The following EPHB2 variants were observed in gnomAD, a reference collection of about 807,000 sequenced individuals.
EPHB2 encodes EPH receptor B2.
In EPHB2, 18 loss-of-function variants were observed where a neutral mutation model predicts 96.4. The observed-to-expected ratio is 0.19, with a 90% CI of 0.13 to 0.28. EPHB2 has a LOEUF of 0.28. EPHB2 is among the 10% of genes least tolerant of loss of function. The pLI, the probability that EPHB2 is intolerant of heterozygous loss-of-function variation, is 1.00. For missense variants in EPHB2, 989 were observed against 1,355.4 expected, an observed-to-expected ratio of 0.73 and a Z score of 4.25; for synonymous variants, 506 against 534.1, an observed-to-expected ratio of 0.95 and a Z score of 0.72.
intron 1 of EPHB2, among the ~76,000 whole-genome samples, chr1:22,746,142 A>G (rs1270543350): frequency 1.3e-5 from 2 of 152,122 alleles, no homozygotes; most frequent in Non-Finnish European, 1.5e-5. Flanking sequence ...ATCGCACCAG[A>G]CACCTGCCCT....
At chr1:22,717,197 G>A (rs879297485) in intron 1 of EPHB2, among the ~76,000 whole-genome samples, 26 of 151,964 alleles carry the variant, frequency 1.7e-4, no homozygotes, top group Admixed American at 9.2e-4. Context: ...TTAGCTGGGG[G>A]AAGGCAGGGA....
At chr1:22,813,971 T>C (rs34122990) in intron 3 of EPHB2, among the ~76,000 whole-genome samples, 17,360 of 151,984 alleles carry the variant, frequency 0.11, 1,646 homozygotes, top group East Asian at 0.56. Flanking sequence ...GGTCAGGGGT[T>C]CAAGACCAGC....
chr1:22,728,213 C>T (rs1360339669), intron 1 of EPHB2, among the ~76,000 whole-genome samples: 1 of 151,650 alleles, frequency 6.6e-6, no homozygotes, highest in Non-Finnish European at 1.5e-5. Context: ...AGCAGGTGCT[C>T]AGTAAAAAAT....
At chr1:22,794,001 C>T (rs975526250) in intron 3 of EPHB2, among the ~76,000 whole-genome samples, 8 of 152,064 alleles carry the variant, frequency 5.3e-5, no homozygotes, top group African/African-American at 1.9e-4. Context: ...ATGTCTTATC[C>T]ACATGGTCAT....
At chr1:22,762,428 G>C (rs1339280351) in intron 1 of EPHB2, among the ~76,000 whole-genome samples, 1 of 152,194 alleles carries the variant, frequency 6.6e-6, no homozygotes, top group Non-Finnish European at 1.5e-5. Flanking sequence ...CTGGAAACCA[G>C]GTTCCCAGGC....
chr1:22,758,612 C>A (rs1424413522), intron 1 of EPHB2, among the ~76,000 whole-genome samples: 2 of 151,858 alleles, frequency 1.3e-5, no homozygotes, highest in Non-Finnish European at 2.9e-5. Flanking sequence ...CTGGCTGCCC[C>A]CAGAGACTGG....
chr1:22,855,521 A>G (rs1458781698), intron 3 of EPHB2, among the ~76,000 whole-genome samples: 1 of 152,216 alleles, frequency 6.6e-6, no homozygotes, highest in Non-Finnish European at 1.5e-5. Flanking sequence ...CCTGGCACCT[A>G]CTGGGGACTC....
At position 22,896,493 on chromosome 1, in the gene EPHB2, A is replaced by T; in HGVS notation, c.1765+15A>T. ...CAGTGGCCACAGTATGTACACACCC[A>T]AGCGGGCTGGAACCCTTGGGCCCTT... is the stretch of plus-strand genomic sequence containing the variant. On this transcript the variant is annotated intron_variant, in intron 9 of 15. Transcript: ENST00000374630. 1 of 1,614,110 alleles carries T rather than the reference A, an allele frequency of 6.2e-7. No individual in the cohort carries two copies. The highest frequency in any genetic ancestry group is 8.5e-7 in the Non-Finnish European group (1 of 1,180,012).
At chr1:22,832,516 C>T (rs958822962) in intron 3 of EPHB2, among the ~76,000 whole-genome samples, 6 of 152,166 alleles carry the variant, frequency 3.9e-5, no homozygotes, top group Non-Finnish European at 8.8e-5. Flanking sequence ...CACACAGCTT[C>T]TAACCCTTGG....
At chr1:22,831,198 C>T (rs867710671) in intron 3 of EPHB2, among the ~76,000 whole-genome samples, 1 of 152,088 alleles carries the variant, frequency 6.6e-6, no homozygotes, top group Non-Finnish European at 1.5e-5. Flanking sequence ...GGATGAAGGG[C>T]GGCTGCAGGG....
intron 1 of EPHB2, among the ~76,000 whole-genome samples, chr1:22,757,944 A>T (rs1570224890): frequency 9.1e-6 from 1 of 109,734 alleles, no homozygotes; most frequent in Non-Finnish European, 1.7e-5. Flanking sequence ...TTTGAGACGG[A>T]GTCTCGCTCT....
At chr1:22,813,699 ACT>A (rs1178377768) in intron 3 of EPHB2, among the ~76,000 whole-genome samples, 2 of 152,132 alleles carry the variant, frequency 1.3e-5, no homozygotes, top group African/African-American at 4.8e-5. Context: ...AAGTGACTTC[ACT>A]CTCTGAACGC....
At chr1:22,863,285 A>C (rs1570404789) in intron 4 of EPHB2, 93 bp downstream of exon 4, 2 of 1,586,188 alleles carry the variant, frequency 1.3e-6, no homozygotes. Context: ...CCGTCCGGTT[A>C]CAGCCAGTCT....
intron 1 of EPHB2, among the ~76,000 whole-genome samples, chr1:22,713,788 G>A (rs1030560060): frequency 2.6e-5 from 4 of 152,204 alleles, no homozygotes; most frequent in Admixed American, 2.6e-4. Flanking sequence ...AAGTCCCCAG[G>A]AAATCCCCAG....
chr1:22,807,322 G>A (rs146744078), intron 3 of EPHB2, among the ~76,000 whole-genome samples: 13 of 152,086 alleles, frequency 8.5e-5, no homozygotes, highest in East Asian at 1.9e-4. Flanking sequence ...ATGTTAGGGC[G>A]CTTGCTAGAC....
At chr1:22,728,538 T>C (rs1022041426) in intron 1 of EPHB2, among the ~76,000 whole-genome samples, 1 of 152,206 alleles carries the variant, frequency 6.6e-6, no homozygotes, top group Non-Finnish European at 1.5e-5. Context: ...CTGGGAACTA[T>C]TGTGGGGCCT....
intron 1 of EPHB2, among the ~76,000 whole-genome samples, chr1:22,759,395 G>A (rs997002692): frequency 2.6e-5 from 4 of 151,864 alleles, no homozygotes; most frequent in African/African-American, 7.3e-5. Flanking sequence ...ACTCTTTATT[G>A]CACTTAATGG....
chr1:22,901,655 C>T (rs568877144), intron 9 of EPHB2, among the ~76,000 whole-genome samples: 9 of 152,336 alleles, frequency 5.9e-5, no homozygotes, highest in East Asian at 3.9e-4. Context: ...GGCCACCAGG[C>T]ACTCACTCAC....
At chr1:22,722,187 G>T (rs568729680) in intron 1 of EPHB2, among the ~76,000 whole-genome samples, 1 of 152,018 alleles carries the variant, frequency 6.6e-6, no homozygotes, top group African/African-American at 2.4e-5. Context: ...GGTAGAGACG[G>T]AGTCTTGCCA....
Sources: gnomAD v4.1 joint callset for allele counts (sites outside exome capture counted in the v4.1 genomes callset) on GRCh38, gnomAD v4.1.1 for gene constraint, MANE v1.5 for transcripts, NCBI Gene and HGNC (gene_info 2026-07-23, HGNC 2026-07-21) for gene names.